The following PTPRT variants were observed in gnomAD, a reference collection of about 807,000 sequenced individuals.
PTPRT encodes the protein protein tyrosine phosphatase receptor type T.
Under a neutral mutation model 176.8 loss-of-function variants are expected in PTPRT, and 56 were observed. The ratio of observed to expected loss-of-function variants is 0.32; its 90% CI spans 0.26 to 0.40. The LOEUF (loss-of-function observed/expected upper bound fraction) is 0.40. Ranked by LOEUF, PTPRT falls within the 10% of genes least tolerant of loss-of-function variation. PTPRT has a pLI of 1.00. For synonymous variants in PTPRT, 783 were observed against 739.0 expected, an observed-to-expected ratio of 1.06 and a Z score of -0.96; for missense variants, 1,540 against 1,908.2, an observed-to-expected ratio of 0.81 and a Z score of 3.60.
At chr20:42,622,143 TG>T (rs2074209411) in intron 7 of PTPRT, among the ~76,000 whole-genome samples, 1 of 152,230 alleles carries the variant, frequency 6.6e-6, no homozygotes, top group Non-Finnish European at 1.5e-5. Context: ...CCTCTACCAG[TG>T]TCCTGGCATA....
intron 2 of PTPRT, among the ~76,000 whole-genome samples, chr20:42,852,478 G>T (rs755366415): frequency 6.6e-6 from 1 of 151,884 alleles, no homozygotes; most frequent in Non-Finnish European, 1.5e-5. Flanking sequence ...AATTTATTTC[G>T]TATCTGGTCC....
intron 7 of PTPRT, among the ~76,000 whole-genome samples, chr20:42,568,081 G>C (rs893348282): frequency 6.6e-6 from 1 of 151,470 alleles, no homozygotes; most frequent in Non-Finnish European, 1.5e-5. Flanking sequence ...GCAATTCCCT[G>C]CCTCAGGCTC....
At chr20:42,363,105 GAAAAAA>G (rs71193658) in intron 9 of PTPRT, among the ~76,000 whole-genome samples, 1 of 47,210 alleles carries the variant, frequency 2.1e-5, no homozygotes, top group Admixed American at 4.0e-4. Context: ...CTCCATTTCA[GAAAAAA>G]AAAAAAAAAA....
intron 7 of PTPRT, among the ~76,000 whole-genome samples, chr20:42,629,246 A>G (rs1197347992): frequency 6.6e-6 from 1 of 151,276 alleles, no homozygotes; most frequent in African/African-American, 2.4e-5. Flanking sequence ...GCATGTTTTG[A>G]CTTTGCTGCA....
rs1555828977 is a variant in PTPRT, at chr20:43,083,347, T to TATATATATATACATATATATATATATAC, written c.88+106298_88+106299insGTATATATATATATATGTATATATATAT. 2.6e-4 allele frequency among the ~76,000 whole-genome samples: 25 copies of TATATATATATACATATATATATATATAC among 97,784 alleles called. 2 individuals carry two copies. The East Asian group carries it at 7.0e-3, about 27-fold the overall frequency. The allele number at this position is 97,784 out of a possible 152,430, so 64.2% of individuals were successfully genotyped here. ...ATATATATATATATATATATATATA[T>TATATATATATACATATATATATATATAC]ATATATATATATATATATATATACA... On this transcript the variant is annotated intron_variant, in intron 1 of 30. Coordinates refer to ENST00000373187, the MANE Select transcript of PTPRT (RefSeq NM_007050.6).
the PTPRT span, among the ~76,000 whole-genome samples, chr20:42,044,473 C>G: frequency 9.2e-5 from 14 of 152,230 alleles, no homozygotes; most frequent in Admixed American, 3.3e-4. Flanking sequence ...GAGCCTGGCA[C>G]AAGGCCTGGT....
intron 7 of PTPRT, among the ~76,000 whole-genome samples, chr20:42,486,106 C>T (rs1375468406): frequency 1.3e-5 from 2 of 152,192 alleles, no homozygotes; most frequent in African/African-American, 4.8e-5. Flanking sequence ...TGTTGAGCAC[C>T]TCTCAGAAAA....
At chr20:42,233,911 G>GC (rs1483980565) in intron 15 of PTPRT, among the ~76,000 whole-genome samples, 1 of 152,170 alleles carries the variant, frequency 6.6e-6, no homozygotes, top group Non-Finnish European at 1.5e-5. Flanking sequence ...ACCTTCAACT[G>GC]CAAGTATGTG....
At chr20:42,741,774 G>A (rs375161925) in intron 6 of PTPRT, among the ~76,000 whole-genome samples, 8 of 152,162 alleles carry the variant, frequency 5.3e-5, no homozygotes, top group South Asian at 4.2e-4. Context: ...AGTTGGGGTG[G>A]TAAAGGTAAG....
At chr20:42,259,214 T>C (rs113156131) in intron 13 of PTPRT, among the ~76,000 whole-genome samples, 13 of 152,094 alleles carry the variant, frequency 8.5e-5, no homozygotes, top group South Asian at 6.2e-4. Flanking sequence ...GTAGGTCAAA[T>C]TCTAGTTCAG....
At chr20:42,294,366 A>C (rs142129028) in intron 12 of PTPRT, among the ~76,000 whole-genome samples, 25 of 152,288 alleles carry the variant, frequency 1.6e-4, no homozygotes, top group African/African-American at 5.3e-4. Flanking sequence ...GATAAAAAGA[A>C]GGGAGAAGTA....
At chr20:42,207,166 A>G (rs1410010961) in intron 15 of PTPRT, among the ~76,000 whole-genome samples, 2 of 152,138 alleles carry the variant, frequency 1.3e-5, no homozygotes, top group African/African-American at 4.8e-5. Context: ...AAAGACCAAA[A>G]GTAGATAAAA....
intron 3 of PTPRT, among the ~76,000 whole-genome samples, chr20:42,788,975 T>C (rs1342337593): frequency 6.6e-6 from 1 of 152,200 alleles, no homozygotes; most frequent in Non-Finnish European, 1.5e-5. Context: ...AAACTGAACT[T>C]CTCATTTTAC....
intron 6 of PTPRT, 112 bp downstream of exon 6, chr20:42,756,350 A>T: frequency 8.7e-7 from 1 of 1,151,430 alleles, no homozygotes; most frequent in South Asian, 2.2e-5. Context: ...ACTAGAAATT[A>T]ATCTCCTCTT....
At chr20:42,418,533 T>A (rs762845942) in intron 9 of PTPRT, among the ~76,000 whole-genome samples, 1 of 152,222 alleles carries the variant, frequency 6.6e-6, no homozygotes, top group Non-Finnish European at 1.5e-5. Flanking sequence ...AAAAATTTAA[T>A]CTAGCCAATA....
At chr20:42,620,824 G>A (rs1259849222) in intron 7 of PTPRT, among the ~76,000 whole-genome samples, 3 of 152,110 alleles carry the variant, frequency 2.0e-5, no homozygotes, top group Non-Finnish European at 2.9e-5. Context: ...GCACCCACTG[G>A]CCTGCGCCCA....
chr20:42,692,257 A>T (rs2075804552), intron 6 of PTPRT, among the ~76,000 whole-genome samples: 1 of 152,240 alleles, frequency 6.6e-6, no homozygotes. Flanking sequence ...TGAAACTTTT[A>T]GGCCAATCTC....
intron 16 of PTPRT, among the ~76,000 whole-genome samples, chr20:42,174,480 G>A (rs916592191): frequency 2.6e-5 from 4 of 152,206 alleles, no homozygotes; most frequent in South Asian, 2.1e-4. Context: ...AATAAAACCC[G>A]GTATTGATAG....
intron 9 of PTPRT, among the ~76,000 whole-genome samples, chr20:42,410,502 A>G (rs35324452): frequency 0.14 from 21,009 of 152,130 alleles, 1,592 homozygotes; most frequent in African/African-American, 0.19. Flanking sequence ...TTCCTCTCCC[A>G]GTAATTGATA....
Sources: gnomAD v4.1 joint callset for allele counts (sites outside exome capture counted in the v4.1 genomes callset) on GRCh38, gnomAD v4.1.1 for gene constraint, MANE v1.5 for transcripts, NCBI Gene and HGNC (gene_info 2026-07-23, HGNC 2026-07-21) for gene names.